WNT3A: variants seen among roughly 807,000 people sequenced by gnomAD.
WNT3A encodes protein Wnt-3a.
In WNT3A, 17 loss-of-function variants were observed where a neutral mutation model predicts 37.0. The observed-to-expected ratio is 0.46, with a 90% CI of 0.31 to 0.69. WNT3A has a LOEUF of 0.69. Ranked by LOEUF, WNT3A falls within the 30% of genes least tolerant of loss-of-function variation. The pLI is 0.05. For synonymous variants in WNT3A, 187 were observed against 211.0 expected (o/e 0.89, Z 0.99); for missense variants, 411 against 510.2 (o/e 0.81, Z 1.87).
chr1:228,021,277 TA>T (rs1260809829), intron 1 of WNT3A, among the ~76,000 whole-genome samples: 1 of 152,266 alleles, frequency 6.6e-6, no homozygotes, highest in Admixed American at 6.5e-5. Context: ...TCTTGCATTT[TA>T]ATTAATTTTA....
chr1:228,032,380 C>G lies in WNT3A; in HGVS notation c.313+9472C>G, dbSNP rs181637891. ...GCCAGCAGATTGGCTGGGGGCCCAG[C>G]CAGCTGAATGCAAAGCCCCAAAGTC... On this transcript the variant is annotated intron_variant, in intron 2 of 3. Coordinates refer to ENST00000284523, the MANE Select transcript of WNT3A (RefSeq NM_033131.4). 4.9e-4 allele frequency among the ~76,000 whole-genome samples: 74 copies of G among 152,300 alleles called. 1 individual carries two copies. The highest frequency in any genetic ancestry group is 4.8e-3 in the Admixed American group (74 of 15,302).
At position 228,007,124 on chromosome 1, in the gene WNT3A, C is replaced by G. The variant is rs2030217665; in HGVS notation, c.-5C>G. The G allele has an allele frequency of 6.4e-7, 1 of 1,572,962 alleles. No homozygotes were observed. The highest frequency in any genetic ancestry group is 8.6e-7 in the Non-Finnish European group (1 of 1,161,626). ...TCCCGGCCCTCCGCGCCCTCTCGCG[C>G]GGCGATGGCCCCACTCGGATACTTC... On this transcript the variant is annotated 5_prime_UTR_variant, in exon 1 of 4. Coordinates refer to ENST00000284523, the MANE Select transcript of WNT3A (RefSeq NM_033131.4). This position sits in a 1 kb window ranked among gnomAD's most constrained non-coding sequence, Gnocchi z 6.0.
chr1:228,014,261 G>A (rs2030461982), intron 1 of WNT3A, among the ~76,000 whole-genome samples: 1 of 152,174 alleles, frequency 6.6e-6, no homozygotes, highest in Non-Finnish European at 1.5e-5. Context: ...TTTGACAGAT[G>A]GGGAAACTGA....
At chr1:228,012,761 T>C (rs2030412045) in intron 1 of WNT3A, among the ~76,000 whole-genome samples, 1 of 152,096 alleles carries the variant, frequency 6.6e-6, no homozygotes, top group Admixed American at 6.6e-5. Flanking sequence ...AGGAGGCTGG[T>C]TCTGGCTCCC....
chr1:228,032,912 T>G (rs2031045915), intron 2 of WNT3A, among the ~76,000 whole-genome samples: 1 of 152,232 alleles, frequency 6.6e-6, no homozygotes, highest in Admixed American at 6.5e-5. Context: ...TTCATTTGCA[T>G]TTCCCTGATA....
At chr1:228,022,407 C>T (rs1184730921) in intron 1 of WNT3A, among the ~76,000 whole-genome samples, 1 of 152,114 alleles carries the variant, frequency 6.6e-6, no homozygotes, top group Non-Finnish European at 1.5e-5. Flanking sequence ...CTGGGCAACA[C>T]AGTGAGATTC....
intron 2 of WNT3A, among the ~76,000 whole-genome samples, chr1:228,040,389 C>A (rs968251203): frequency 1.3e-5 from 2 of 152,312 alleles, no homozygotes; most frequent in East Asian, 1.9e-4. Context: ...ACCTTCTGAG[C>A]AAACACCTGT....
chr1:228,052,875 C>T (rs2031587724), intron 3 of WNT3A, among the ~76,000 whole-genome samples: 2 of 152,164 alleles, frequency 1.3e-5, no homozygotes, highest in South Asian at 4.1e-4. Flanking sequence ...GCTCAGTCAA[C>T]CGGGTGGTGC....
In WNT3A at chr1:228,052,666, C is replaced by T. The variant is rs139509235; in HGVS notation, c.579+1745C>T. Among the ~76,000 whole-genome samples, 167 of 152,210 alleles carry T rather than the reference C, an allele frequency of 1.1e-3. 1 individual carries two copies. Among genetic ancestry groups the T allele is most frequent in the Non-Finnish European group, 1.7e-3 (119 of 68,006 alleles). On this transcript the variant is annotated intron_variant, in intron 3 of 3. Coordinates refer to ENST00000284523, the MANE Select transcript of WNT3A (RefSeq NM_033131.4). ...GAATCAGGGGACCACAGAGGGGTGA[C>T]GAGTGAACAGGGGATATTCACCTTT...
chr1:228,032,278 T>C (rs76458743), intron 2 of WNT3A, among the ~76,000 whole-genome samples: 20,094 of 152,246 alleles, frequency 0.13, 1,593 homozygotes, highest in African/African-American at 0.22. Context: ...AAGCTGAGCC[T>C]TGGGGAGCCT....
Position 228,059,159 on chromosome 1 carries a change from C to G in WNT3A, c.753C>G (p.Gly251=). The G allele has an allele frequency of 1.2e-6, 2 of 1,613,522 alleles. No homozygotes were observed. Among genetic ancestry groups the G allele is most frequent in the South Asian group, 1.1e-5 (1 of 91,086 alleles). Reference sequence around the variant, plus strand: ...TGGAGAAGCACCGGGAGTCCCGCGGCTGGGTGGAGACCCTGCGGCCGCGCT... The same window carrying G: ...TGGAGAAGCACCGGGAGTCCCGCGGGTGGGTGGAGACCCTGCGGCCGCGCT... The part of the protein sequence containing the change: ...MVVEKHRESR[G]WVETLRPRYT... Residue 251 remains glycine, a synonymous_variant, in exon 4 of 4, where the codon GGC becomes GGG. Transcript: ENST00000284523.
chr1:228,012,861 G>A (rs1462341719), intron 1 of WNT3A, among the ~76,000 whole-genome samples: 3 of 152,098 alleles, frequency 2.0e-5, no homozygotes, highest in Non-Finnish European at 4.4e-5. Context: ...CGAAGAAAAG[G>A]AATGTCATTC....
chr1:228,046,714 GTA>G (rs1414072302), intron 2 of WNT3A, among the ~76,000 whole-genome samples: 10 of 150,546 alleles, frequency 6.6e-5, no homozygotes, highest in African/African-American at 2.4e-4. Flanking sequence ...GCATGCATGT[GTA>G]TATGTGTTCA....
Position 228,007,175 on chromosome 1 carries a change from C to T in WNT3A, c.47C>T (p.Ala16Val), listed in dbSNP as rs989317880. The T allele has an allele frequency of 1.1e-5, 17 of 1,604,694 alleles. No individual in the cohort carries two copies. In the African/African-American group the frequency reaches 1.6e-4, roughly 15 times the overall value. ...TTACTCCTCTGCAGCCTGAAGCAGGCTCTGGGCAGCTACCCGATCTGGTGG... is the reference window on the plus strand; with the variant it reads ...TTACTCCTCTGCAGCCTGAAGCAGGTTCTGGGCAGCTACCCGATCTGGTGG... ...YFLLLCSLKQ[A>V]LGSYPIWWSL... Residue 16 changes from alanine (A) to valine (V), a missense_variant, in exon 1 of 4, where the codon GCT (alanine) becomes GTT (valine). Transcript: ENST00000284523. This position sits in a 1 kb window ranked among gnomAD's most constrained non-coding sequence, Gnocchi z 6.0.
intron 1 of WNT3A, among the ~76,000 whole-genome samples, chr1:228,015,258 C>T (rs1416360326): frequency 2.0e-5 from 3 of 152,204 alleles, no homozygotes; most frequent in Non-Finnish European, 4.4e-5. Context: ...CTGCCGTTCC[C>T]TCCAGAGCTG....
At chr1:228,032,681 TG>T (rs1380036586) in intron 2 of WNT3A, among the ~76,000 whole-genome samples, 1 of 152,256 alleles carries the variant, frequency 6.6e-6, no homozygotes, top group Non-Finnish European at 1.5e-5. Flanking sequence ...CAGTTCTCTC[TG>T]GCATATACCT....
In WNT3A at chr1:228,060,110, C is replaced by A. The variant is rs1571820006; in HGVS notation, c.*645C>A. On this transcript the variant is annotated 3_prime_UTR_variant, in exon 4 of 4. Transcript: ENST00000284523. ...GCTCCTTCCTGTGGGTGGGGCTTCTCTGGGACCAGGCTCCAATGGGGCGGG... is the reference window on the plus strand; with the variant it reads ...GCTCCTTCCTGTGGGTGGGGCTTCTATGGGACCAGGCTCCAATGGGGCGGG... 1 of 1,294,224 alleles carries A rather than the reference C, an allele frequency of 7.7e-7. No individual in the cohort carries two copies. The highest frequency in any genetic ancestry group is 1.5e-5 in the African/African-American group (1 of 65,738). The allele number at this position is 1,294,224 out of a possible 1,614,324, so 80.2% of individuals were successfully genotyped here.
At chr1:228,055,176 AAAAATATAT>A (rs1175366461) in intron 3 of WNT3A, among the ~76,000 whole-genome samples, 41 of 59,048 alleles carry the variant, frequency 6.9e-4, no homozygotes, top group Non-Finnish European at 1.1e-3. Flanking sequence ...AAAAAAAAAA[AAAAATATAT>A]ATATATATAT....
chr1:228,023,056 C>T (rs755262329), intron 2 of WNT3A, 148 bp downstream of exon 2: 61 of 1,292,654 alleles, frequency 4.7e-5, no homozygotes, highest in South Asian at 2.2e-4. Context: ...TCCAGGAGGA[C>T]GGTCTGGGGC....
Sources: gnomAD v4.1 joint callset for allele counts (sites outside exome capture counted in the v4.1 genomes callset) on GRCh38, gnomAD v4.1.1 for gene constraint, Gnocchi (gnomAD v3.1) non-coding constraint, MANE v1.5 for transcripts, NCBI Gene and HGNC (gene_info 2026-07-23, HGNC 2026-07-21) for gene names.